The following SYNPR variants were observed in gnomAD, a reference collection of about 807,000 sequenced individuals.
The protein encoded by SYNPR is synaptoporin.
A neutral mutation model predicts 32.9 loss-of-function variants in SYNPR; 23 were observed. The ratio of observed to expected loss-of-function variants is 0.70; its 90% CI spans 0.50 to 0.99. The LOEUF is 0.99. SYNPR is among the 50% of genes least tolerant of loss of function. The pLI, the probability that SYNPR is intolerant of heterozygous loss-of-function variation, is 0.00. For missense variants in SYNPR, 318 were observed against 349.3 expected (o/e 0.91, Z 0.71); for synonymous variants, 146 against 135.9 (o/e 1.07, Z -0.52).
the SYNPR span, among the ~76,000 whole-genome samples, chr3:63,220,933 C>G: frequency 6.6e-6 from 1 of 152,160 alleles, no homozygotes; most frequent in Non-Finnish European, 1.5e-5. Flanking sequence ...AGTTTTATAA[C>G]CAATATGCAA....
chr3:63,275,466 T>A (rs1016511480), upstream of SYNPR, among the ~76,000 whole-genome samples: 1 of 152,190 alleles, frequency 6.6e-6, no homozygotes, highest in Non-Finnish European at 1.5e-5. Context: ...TTCCTTCACA[T>A]GGTGTTTGGA....
Position 63,416,455 on chromosome 3 carries a change from C to T in SYNPR, c.85-64377C>T, listed in dbSNP as rs551643180. The stretch of plus-strand genomic sequence containing the variant: ...GCTGAGGTGGGCGAATTGCTTGAAC[C>T]CGGGACGTGGAGGTTTCAGTGAGCT... On this transcript the variant is annotated intron_variant, in intron 2 of 5. Coordinates refer to ENST00000478300, the MANE Select transcript of SYNPR (RefSeq NM_001130003.2). 1.0e-4 allele frequency among the ~76,000 whole-genome samples: 15 copies of T among 149,842 alleles called. No individual in the cohort carries two copies. The South Asian group carries it at 3.0e-3, about 30-fold the overall frequency.
chr3:63,306,117 C>T (rs559716945), intron 2 of SYNPR, among the ~76,000 whole-genome samples: 6 of 152,076 alleles, frequency 3.9e-5, no homozygotes, highest in Admixed American at 2.0e-4. Flanking sequence ...TTTTCTTTTA[C>T]GGCATCTTAT....
At chr3:63,239,262 C>A (rs2086220550) in intron 1 of SYNPR, among the ~76,000 whole-genome samples, 1 of 101,178 alleles carries the variant, frequency 9.9e-6, no homozygotes, top group Admixed American at 1.1e-4. Context: ...GTGTCACACA[C>A]ACATCCTACC....
Position 63,556,425 on chromosome 3 carries a change from AG to A in SYNPR, c.210-116del, listed in dbSNP as rs1165637319. 4.0e-5 allele frequency: 30 copies of A among 749,298 alleles called. No homozygotes were observed. The Admixed American group carries it at 8.2e-4, about 20-fold the overall frequency. The allele number at this position is 749,298 out of a possible 1,614,324, so 46.4% of individuals were successfully genotyped here. ...AAATTTCTTAATGAATATGTTACATAGGCATGCACTAAAACTCCCAGATCAC... is the reference window on the plus strand; with the variant it reads ...AAATTTCTTAATGAATATGTTACATAGCATGCACTAAAACTCCCAGATCAC... On this transcript the variant is annotated intron_variant, in intron 3 of 5. Coordinates refer to ENST00000478300, the MANE Select transcript of SYNPR (RefSeq NM_001130003.2).
At chr3:63,471,393 T>C (rs1700793737) in intron 2 of SYNPR, among the ~76,000 whole-genome samples, 1 of 152,180 alleles carries the variant, frequency 6.6e-6, no homozygotes, top group Non-Finnish European at 1.5e-5. Context: ...TTTTACAAGG[T>C]TATTCACAAA....
At chr3:63,417,651 G>T (rs955834525) in intron 2 of SYNPR, among the ~76,000 whole-genome samples, 1 of 152,198 alleles carries the variant, frequency 6.6e-6, no homozygotes. Flanking sequence ...TGAAATCTAG[G>T]TGGAGGTTTC....
At chr3:63,539,880 T>C (rs1178636501) in intron 3 of SYNPR, among the ~76,000 whole-genome samples, 1 of 152,132 alleles carries the variant, frequency 6.6e-6, no homozygotes, top group South Asian at 2.1e-4. Flanking sequence ...GGCTGGGCCA[T>C]CTACCCACTG....
chr3:63,307,230 A>G (rs1159927820), intron 2 of SYNPR, among the ~76,000 whole-genome samples: 1 of 151,996 alleles, frequency 6.6e-6, no homozygotes, highest in Non-Finnish European at 1.5e-5. Context: ...GGAGTCACAC[A>G]CAAGTTACAA....
At chr3:63,525,396 T>C (rs749541360) in intron 3 of SYNPR, among the ~76,000 whole-genome samples, 5 of 152,090 alleles carry the variant, frequency 3.3e-5, no homozygotes, top group Non-Finnish European at 7.4e-5. Context: ...GGCCCAGGTA[T>C]TTCAGTATTT....
At chr3:63,412,179 C>A (rs1356918113) in intron 2 of SYNPR, among the ~76,000 whole-genome samples, 1 of 152,072 alleles carries the variant, frequency 6.6e-6, no homozygotes, top group Non-Finnish European at 1.5e-5. Flanking sequence ...GGAAGAGTAT[C>A]AGATTTGGCA....
At chr3:63,530,479 A>C (rs954897883) in intron 3 of SYNPR, among the ~76,000 whole-genome samples, 4 of 152,224 alleles carry the variant, frequency 2.6e-5, no homozygotes, top group African/African-American at 9.6e-5. Flanking sequence ...CCAGCCTCTC[A>C]GGATTGTTAA....
At chr3:63,211,585 G>C in the SYNPR span, among the ~76,000 whole-genome samples, 4 of 152,164 alleles carry the variant, frequency 2.6e-5, no homozygotes, top group Non-Finnish European at 5.9e-5. Flanking sequence ...AAGGACTTTA[G>C]AGAGCTCAAG....
intron 2 of SYNPR, among the ~76,000 whole-genome samples, chr3:63,293,906 T>C (rs1163745096): frequency 6.6e-6 from 1 of 152,190 alleles, no homozygotes; most frequent in East Asian, 1.9e-4. Flanking sequence ...AGTGTCCCTC[T>C]TTCACAGTAA....
chr3:63,397,100 T>G, intron 2 of SYNPR, among the ~76,000 whole-genome samples: 2 of 71,860 alleles, frequency 2.8e-5, no homozygotes, highest in Admixed American at 1.5e-4. Flanking sequence ...CGAGACTCCG[T>G]CTCAAAAAAA....
At chr3:63,233,822 A>T (rs1362610724) in intron 1 of SYNPR, among the ~76,000 whole-genome samples, 1 of 152,346 alleles carries the variant, frequency 6.6e-6, no homozygotes, top group South Asian at 2.1e-4. Context: ...TATGTATGTT[A>T]TGAGATAGCC....
intron 2 of SYNPR, among the ~76,000 whole-genome samples, chr3:63,284,240 T>C (rs2086659847): frequency 6.6e-6 from 1 of 152,188 alleles, no homozygotes; most frequent in Admixed American, 6.5e-5. Flanking sequence ...TTTGTACCTG[T>C]AGATTTATGT....
At chr3:63,245,604 G>T (rs556806494) in intron 1 of SYNPR, among the ~76,000 whole-genome samples, 48 of 151,578 alleles carry the variant, frequency 3.2e-4, no homozygotes, top group African/African-American at 1.2e-3. Context: ...TGAATTGCTT[G>T]TGTTTATATT....
At chr3:63,478,888 T>A (rs1395826840) in intron 2 of SYNPR, among the ~76,000 whole-genome samples, 1 of 152,182 alleles carries the variant, frequency 6.6e-6, no homozygotes, top group East Asian at 1.9e-4. Flanking sequence ...TGTTGGCTGA[T>A]GAAAACTAGA....
Sources: allele counts gnomAD v4.1 joint callset (sites outside exome capture counted in the v4.1 genomes callset), GRCh38; gene constraint gnomAD v4.1.1; transcripts MANE v1.5; gene names NCBI Gene and HGNC (gene_info 2026-07-23, HGNC 2026-07-21).